Variants in TASP1 observed in about 807,000 individuals in gnomAD.
TASP1 encodes threonine aspartase 1.
TASP1 carries 16 observed loss-of-function variants against 56.6 expected under a neutral mutation model. The ratio of observed to expected loss-of-function variants is 0.28; its 90% CI spans 0.19 to 0.43. The LOEUF is 0.43. Ranked by LOEUF, TASP1 falls within the 20% of genes least tolerant of loss-of-function variation. The pLI, the probability that TASP1 is intolerant of heterozygous loss-of-function variation, is 1.00. For synonymous variants in TASP1, 179 were observed against 184.2 expected, an observed-to-expected ratio of 0.97 and a Z score of 0.23; for missense variants, 393 against 511.6, an observed-to-expected ratio of 0.77 and a Z score of 2.24.
At chr20:13,292,655 G>A in the TASP1 span, among the ~76,000 whole-genome samples, 3,102 of 152,150 alleles carry the variant, frequency 0.02, 104 homozygotes, top group African/African-American at 0.071. Context: ...TCCTCCACCG[G>A]ACCGAGCGCT....
the TASP1 span, among the ~76,000 whole-genome samples, chr20:13,135,499 T>C: frequency 1.3e-5 from 2 of 152,224 alleles, no homozygotes; most frequent in African/African-American, 4.8e-5. Flanking sequence ...GAATATTAGA[T>C]ATTAAGATTC....
the TASP1 span, among the ~76,000 whole-genome samples, chr20:13,321,864 C>A: frequency 6.6e-6 from 1 of 152,208 alleles, no homozygotes. Context: ...GGCTAGACTG[C>A]TCAGGTTTGA....
At chr20:13,113,835 G>A in the TASP1 span, among the ~76,000 whole-genome samples, 1 of 152,208 alleles carries the variant, frequency 6.6e-6, no homozygotes, top group Non-Finnish European at 1.5e-5. Flanking sequence ...TATGTTGCAA[G>A]GCTGTTTGCT....
the TASP1 span, among the ~76,000 whole-genome samples, chr20:13,358,133 C>T: frequency 6.7e-6 from 1 of 148,304 alleles, no homozygotes; most frequent in African/African-American, 2.6e-5. Context: ...TTGCGACCCT[C>T]ACTCCTGCCC....
chr20:13,188,366 C>T, the TASP1 span, among the ~76,000 whole-genome samples: 7 of 152,006 alleles, frequency 4.6e-5, no homozygotes, highest in East Asian at 7.7e-4. Flanking sequence ...AATCAACATA[C>T]AAAAATCAAT....
chr20:13,576,298 GA>G (rs2046908423), intron 6 of TASP1, among the ~76,000 whole-genome samples: 1 of 141,468 alleles, frequency 7.1e-6, no homozygotes. Context: ...GGAAGGGAAG[GA>G]GAGAGAGAGA....
chr20:13,484,357 C>T (rs986120832), intron 10 of TASP1, among the ~76,000 whole-genome samples: 12 of 152,114 alleles, frequency 7.9e-5, no homozygotes, highest in African/African-American at 1.9e-4. Context: ...CACATGCACC[C>T]GTATGTTTCT....
the TASP1 span, among the ~76,000 whole-genome samples, chr20:13,384,343 A>C: frequency 6.6e-6 from 1 of 152,128 alleles, no homozygotes; most frequent in African/African-American, 2.4e-5. Flanking sequence ...CACTGGACTC[A>C]CTTTCTCTCC....
chr20:13,198,811 T>A, the TASP1 span, among the ~76,000 whole-genome samples: 2 of 128,014 alleles, frequency 1.6e-5, no homozygotes, highest in Non-Finnish European at 3.4e-5. Flanking sequence ...TCTTTCTTTC[T>A]TTCTTTCTTT....
At chr20:13,313,823 T>C in the TASP1 span, among the ~76,000 whole-genome samples, 1 of 152,180 alleles carries the variant, frequency 6.6e-6, no homozygotes, top group Admixed American at 6.5e-5. Flanking sequence ...ATGCTGGAAT[T>C]GTTAGGCCAG....
chr20:13,194,543 ATGTGTGTGTGTGTGTGTG>A, the TASP1 span, among the ~76,000 whole-genome samples: 137 of 142,402 alleles, frequency 9.6e-4, no homozygotes, highest in African/African-American at 3.4e-3. Context: ...TCACCAAGAA[ATGTGTGTGTGTGTGTGTG>A]TGTGTGTGTG....
intron 12 of TASP1, among the ~76,000 whole-genome samples, chr20:13,433,105 T>C (rs1247109579): frequency 1.3e-5 from 2 of 152,132 alleles, no homozygotes; most frequent in Non-Finnish European, 2.9e-5. Context: ...TAAGTATTTC[T>C]CCTAATGCTA....
chr20:13,204,989 G>A, the TASP1 span, among the ~76,000 whole-genome samples: 1 of 152,112 alleles, frequency 6.6e-6, no homozygotes, highest in African/African-American at 2.4e-5. Flanking sequence ...GGATACCTAG[G>A]ACCTTGTGGG....
intron 13 of TASP1, chr20:13,393,348 A>G: frequency 1.2e-5 from 9 of 749,708 alleles, no homozygotes; most frequent in South Asian, 1.1e-4. Context: ...CGAGCTGAAC[A>G]GGAAGCTCAA....
the TASP1 span, among the ~76,000 whole-genome samples, chr20:13,308,434 C>G: frequency 6.6e-6 from 1 of 152,052 alleles, no homozygotes. Context: ...AAACTCTTAC[C>G]ATCACCGCTT....
downstream of TASP1, among the ~76,000 whole-genome samples, chr20:13,385,530 C>G (rs1453711400): frequency 6.6e-6 from 1 of 152,174 alleles, no homozygotes; most frequent in African/African-American, 2.4e-5. Flanking sequence ...ACTGGTGAGT[C>G]CACCCTCAGT....
intron 10 of TASP1, among the ~76,000 whole-genome samples, chr20:13,490,383 A>G (rs2043480749): frequency 6.6e-6 from 1 of 152,164 alleles, no homozygotes; most frequent in Admixed American, 6.6e-5. Flanking sequence ...CCACCTTTAA[A>G]TCATCTGTTT....
the TASP1 span, among the ~76,000 whole-genome samples, chr20:13,326,387 T>C: frequency 6.6e-6 from 1 of 152,210 alleles, no homozygotes; most frequent in African/African-American, 2.4e-5. Context: ...GATTTAAGTA[T>C]ATGTATATAT....
chr20:13,373,038 A>G, the TASP1 span, among the ~76,000 whole-genome samples: 6 of 152,124 alleles, frequency 3.9e-5, no homozygotes, highest in Non-Finnish European at 7.4e-5. Flanking sequence ...AAAGAGAGAT[A>G]ACAAAGAAGA....
Sources: gnomAD v4.1 joint callset for allele counts (sites outside exome capture counted in the v4.1 genomes callset) on GRCh38, gnomAD v4.1.1 for gene constraint, MANE v1.5 for transcripts, NCBI Gene and HGNC (gene_info 2026-07-23, HGNC 2026-07-21) for gene names.